SNTG1: variants seen among roughly 807,000 people sequenced by gnomAD.
SNTG1 encodes the protein syntrophin gamma 1, also known as gamma-1-syntrophin.
A neutral mutation model predicts 74.7 loss-of-function variants in SNTG1; 39 were observed. That is an observed-to-expected ratio of 0.52 (90% CI 0.40 to 0.68). The LOEUF is 0.68. SNTG1 is among the 30% of genes least tolerant of loss of function. SNTG1 has a pLI of 0.00. For missense variants in SNTG1, 685 were observed against 609.5 expected, an observed-to-expected ratio of 1.12 and a Z score of -1.30; for synonymous variants, 254 against 217.1, an observed-to-expected ratio of 1.17 and a Z score of -1.49.
At chr8:50,277,870 T>C (rs2088205527) in intron 2 of SNTG1, among the ~76,000 whole-genome samples, 1 of 152,178 alleles carries the variant, frequency 6.6e-6, no homozygotes, top group Admixed American at 6.5e-5. Context: ...GAAAGGTACC[T>C]AATCAGGATT....
intron 1 of SNTG1, among the ~76,000 whole-genome samples, chr8:50,026,668 T>C (rs770280941): frequency 6.6e-6 from 1 of 152,096 alleles, no homozygotes; most frequent in Non-Finnish European, 1.5e-5. Context: ...AATATCTTCA[T>C]TCAAAAGTTA....
At chr8:50,431,859 C>A (rs930761170) in intron 4 of SNTG1, among the ~76,000 whole-genome samples, 3 of 152,054 alleles carry the variant, frequency 2.0e-5, no homozygotes, top group Non-Finnish European at 2.9e-5. Context: ...ATACTTCAGC[C>A]ACTTTTTAAT....
At chr8:50,363,504 T>C (rs1389914330) in intron 2 of SNTG1, among the ~76,000 whole-genome samples, 2 of 151,690 alleles carry the variant, frequency 1.3e-5, no homozygotes, top group East Asian at 3.9e-4. Context: ...GGAAAATCAC[T>C]TCAGGGTGTG....
chr8:50,419,370 GCT>G (rs1228306306), intron 4 of SNTG1, among the ~76,000 whole-genome samples: 2 of 152,184 alleles, frequency 1.3e-5, no homozygotes, highest in Non-Finnish European at 1.5e-5. Flanking sequence ...ATGTTCTCCA[GCT>G]CTGTCTGCCA....
chr8:50,111,289 G>A (rs1460408271), intron 1 of SNTG1, among the ~76,000 whole-genome samples: 1 of 152,140 alleles, frequency 6.6e-6, no homozygotes, highest in Non-Finnish European at 1.5e-5. Flanking sequence ...AATGGTATTT[G>A]GAGATGGAGG....
chr8:50,014,039 T>G lies in SNTG1; in HGVS notation c.-103+101808T>G, dbSNP rs116007776. Among the ~76,000 whole-genome samples, 172 of 152,244 alleles carry G rather than the reference T, an allele frequency of 1.1e-3. 1 individual carries two copies. The highest frequency in any genetic ancestry group is 4.0e-3 in the African/African-American group (165 of 41,548). ...CACAGAATGTACTGAGGAGAACCTA[T>G]TCAAAAGAAAGTACTAAACTACAGT... On this transcript the variant is annotated intron_variant, in intron 1 of 18. Coordinates refer to ENST00000642720, the MANE Select transcript of SNTG1 (RefSeq NM_018967.5).
chr8:50,268,784 G>A (rs2087617597), intron 2 of SNTG1, among the ~76,000 whole-genome samples: 1 of 151,906 alleles, frequency 6.6e-6, no homozygotes, highest in Admixed American at 6.6e-5. Flanking sequence ...AGCCTCCCGA[G>A]TAGCTGGAAT....
chr8:50,770,004 C>A (rs1229807049), intron 18 of SNTG1, among the ~76,000 whole-genome samples: 1 of 151,942 alleles, frequency 6.6e-6, no homozygotes, highest in Admixed American at 6.6e-5. Flanking sequence ...AACCAATAAT[C>A]CAAATCACAA....
At chr8:50,475,947 A>G (rs1258973878) in intron 8 of SNTG1, among the ~76,000 whole-genome samples, 1 of 152,130 alleles carries the variant, frequency 6.6e-6, no homozygotes, top group Admixed American at 6.6e-5. Context: ...TCAGAAATAA[A>G]CAAGTCATAC....
At chr8:50,642,576 C>T (rs376783970) in intron 13 of SNTG1, among the ~76,000 whole-genome samples, 3 of 152,068 alleles carry the variant, frequency 2.0e-5, no homozygotes, top group East Asian at 3.9e-4. Flanking sequence ...TCCTGGCAAG[C>T]CCTTGTATTT....
intron 15 of SNTG1, among the ~76,000 whole-genome samples, chr8:50,697,334 C>G (rs1278748413): frequency 6.6e-6 from 1 of 151,968 alleles, no homozygotes; most frequent in Non-Finnish European, 1.5e-5. Context: ...TTGGTGTAGT[C>G]TTCAGATTTT....
chr8:50,103,331 A>G lies in SNTG1; in HGVS notation c.-102-69230A>G, dbSNP rs547417979. On this transcript the variant is annotated intron_variant, in intron 1 of 18. Coordinates refer to ENST00000642720, the MANE Select transcript of SNTG1 (RefSeq NM_018967.5). ...TATTCTCTTTGAAGCAATTGTGAATAGGAGTTCACTCATGATTTGGCTCTC... is the reference window on the plus strand; with the variant it reads ...TATTCTCTTTGAAGCAATTGTGAATGGGAGTTCACTCATGATTTGGCTCTC... 2.1e-3 allele frequency among the ~76,000 whole-genome samples: 327 copies of G among 152,118 alleles called. 4 individuals carry two copies. Among genetic ancestry groups the G allele is most frequent in the East Asian group, 6.0e-3 (31 of 5,182 alleles).
At chr8:49,960,132 C>A (rs1447987346) in intron 1 of SNTG1, among the ~76,000 whole-genome samples, 5 of 152,170 alleles carry the variant, frequency 3.3e-5, no homozygotes, top group Non-Finnish European at 7.3e-5. Flanking sequence ...CCTTTTGTAA[C>A]TGTTTTTCTT....
At chr8:50,627,158 A>G (rs932523412) in intron 13 of SNTG1, among the ~76,000 whole-genome samples, 11 of 152,100 alleles carry the variant, frequency 7.2e-5, no homozygotes, top group African/African-American at 2.2e-4. Context: ...CATGACTGCC[A>G]TTGCTCATCT....
At chr8:50,195,719 C>T (rs948082074) in intron 2 of SNTG1, among the ~76,000 whole-genome samples, 1 of 152,162 alleles carries the variant, frequency 6.6e-6, no homozygotes, top group Admixed American at 6.5e-5. Context: ...AGCTTTTCCA[C>T]TGGGGGTGTG....
chr8:50,691,602 T>G (rs2095379780), intron 15 of SNTG1, among the ~76,000 whole-genome samples: 1 of 152,228 alleles, frequency 6.6e-6, no homozygotes, highest in Non-Finnish European at 1.5e-5. Flanking sequence ...CTTGTAGAGT[T>G]TCTGCCGAGA....
chr8:50,427,839 C>T (rs111733880), intron 4 of SNTG1, among the ~76,000 whole-genome samples: 4,255 of 152,302 alleles, frequency 0.028, 190 homozygotes, highest in African/African-American at 0.096. Flanking sequence ...AAATACAATT[C>T]ATTAGATGAT....
intron 1 of SNTG1, among the ~76,000 whole-genome samples, chr8:50,063,590 T>G (rs1195621169): frequency 6.6e-6 from 1 of 152,246 alleles, no homozygotes; most frequent in Non-Finnish European, 1.5e-5. Flanking sequence ...TCTCTTCTTT[T>G]GTCCCTACAT....
chr8:50,045,321 A>G (rs988531352), intron 1 of SNTG1, among the ~76,000 whole-genome samples: 3 of 152,210 alleles, frequency 2.0e-5, no homozygotes, highest in Non-Finnish European at 4.4e-5. Flanking sequence ...GAAACTTACA[A>G]TCATGGCAGA....
Sources: gnomAD v4.1 joint callset for allele counts (sites outside exome capture counted in the v4.1 genomes callset) on GRCh38, gnomAD v4.1.1 for gene constraint, MANE v1.5 for transcripts, NCBI Gene and HGNC (gene_info 2026-07-23, HGNC 2026-07-21) for gene names.